ARSG: variants seen among roughly 807,000 people sequenced by gnomAD.
The protein encoded by ARSG is ASG.
ARSG carries 37 observed loss-of-function variants against 50.5 expected under a neutral mutation model. The ratio of observed to expected loss-of-function variants is 0.73; its 90% CI spans 0.56 to 0.96. ARSG has a LOEUF of 0.96. Among genes scored for constraint, ARSG ranks in the 50% least tolerant of loss-of-function variants. The probability of loss-of-function intolerance (pLI) is 0.00; values close to 1 mark genes in which losing one functional copy is unlikely to be tolerated. For synonymous variants in ARSG, 225 were observed against 254.6 expected, an observed-to-expected ratio of 0.88 and a Z score of 1.11; for missense variants, 629 against 675.3, an observed-to-expected ratio of 0.93 and a Z score of 0.76.
chr17:68,328,486 C>T lies in ARSG; in HGVS notation c.219-15118C>T, dbSNP rs77013388. The stretch of plus-strand genomic sequence containing the variant: ...TTCCGTGCCTTTAATTTTCTTATCA[C>T]TCTGCCTCCCATAGCATTTTCTTTG... On this transcript the variant is annotated intron_variant, in intron 2 of 11. Coordinates refer to ENST00000621439, the MANE Select transcript of ARSG (RefSeq NM_001267727.2). 9.2e-3 allele frequency among the ~76,000 whole-genome samples: 1,396 copies of T among 152,280 alleles called. 13 individuals are homozygous for T. Among genetic ancestry groups the T allele is most frequent in the Middle Eastern group, 0.014 (4 of 294 alleles).
chr17:68,430,968 T>G, the ARSG span, among the ~76,000 whole-genome samples: 1 of 152,088 alleles, frequency 6.6e-6, no homozygotes, highest in East Asian at 1.9e-4. Flanking sequence ...TAGGGGGTCT[T>G]TGGACAAACC....
intron 3 of ARSG, 101 bp downstream of exon 3, chr17:68,343,892 C>A: frequency 8.0e-7 from 1 of 1,249,110 alleles, no homozygotes; most frequent in Non-Finnish European, 1.1e-6. Flanking sequence ...CTGTTCATGT[C>A]TTGCTGTGTG....
At chr17:68,377,478 A>T (rs1054358380) in intron 8 of ARSG, among the ~76,000 whole-genome samples, 1 of 152,158 alleles carries the variant, frequency 6.6e-6, no homozygotes, top group Admixed American at 6.5e-5. Context: ...CTGGGCTTGA[A>T]TCTTGACTCA....
At position 68,369,977 on chromosome 17, in the gene ARSG, T is replaced by C. The variant is rs553877447; in HGVS notation, c.902-467T>C. Reference sequence around the variant, plus strand: ...GAGACACATCTCATATCAAGGGTTGTTCTTCACGGATGGGAATCATATTTG... The same window carrying C: ...GAGACACATCTCATATCAAGGGTTGCTCTTCACGGATGGGAATCATATTTG... On this transcript the variant is annotated intron_variant, in intron 7 of 11. Coordinates refer to ENST00000621439, the MANE Select transcript of ARSG (RefSeq NM_001267727.2). Among the ~76,000 whole-genome samples the C allele has an allele frequency of 2.0e-5, 3 of 152,264 alleles. No homozygotes were observed. The South Asian group carries it at 6.2e-4, about 32-fold the overall frequency.
At chr17:68,347,202 G>A in intron 4 of ARSG, 30 bp downstream of exon 4, 1 of 1,607,158 alleles carries the variant, frequency 6.2e-7, no homozygotes, top group Non-Finnish European at 8.5e-7. Context: ...TTTGTTACCT[G>A]GGAAACAGAA....
upstream of ARSG, among the ~76,000 whole-genome samples, chr17:68,287,179 C>A (rs1205672464): frequency 1.3e-5 from 2 of 151,794 alleles, no homozygotes; most frequent in East Asian, 3.9e-4. Flanking sequence ...GGAGTTTCAC[C>A]ATGTTGGTCA....
intron 11 of ARSG, among the ~76,000 whole-genome samples, chr17:68,403,760 C>T (rs2081582174): frequency 1.3e-5 from 2 of 152,092 alleles, no homozygotes; most frequent in South Asian, 4.1e-4. Context: ...GCACAACGTG[C>T]AGGTTTGTTA....
chr17:68,442,904 C>A, the ARSG span, among the ~76,000 whole-genome samples: 1 of 152,130 alleles, frequency 6.6e-6, no homozygotes, highest in Non-Finnish European at 1.5e-5. Context: ...CCTAATGGTG[C>A]CTACTATGGT....
At chr17:68,355,366 G>C (rs1370928887) in intron 5 of ARSG, among the ~76,000 whole-genome samples, 1 of 152,148 alleles carries the variant, frequency 6.6e-6, no homozygotes, top group Non-Finnish European at 1.5e-5. Flanking sequence ...AGCTTGTGTT[G>C]TTTTGTTTTG....
Position 68,368,579 on chromosome 17 carries a change from G to C in ARSG, c.736G>C (p.Ala246Pro). 6.2e-7 allele frequency: 1 copy of C among 1,614,090 alleles called. No individual in the cohort carries two copies. Reference protein sequence around the residue: ...TSGRPFLLYVALAHMHVPLPV... With the variant: ...TSGRPFLLYVPLAHMHVPLPV... Reference sequence around the variant, plus strand: ...CGGGAGGCCCTTCCTGCTCTATGTGGCTCTGGCCCACATGCACGTGCCCTT... The same window carrying C: ...CGGGAGGCCCTTCCTGCTCTATGTGCCTCTGGCCCACATGCACGTGCCCTT... The change falls in exon 7 of 12, where the codon GCT becomes CCT. Residue 246 changes from alanine (A) to proline (P), a missense_variant. By Grantham distance (27) the Ala-to-Pro change is conservative. Transcript: ENST00000621439.
At chr17:68,373,973 C>T (rs1460301093) in intron 8 of ARSG, among the ~76,000 whole-genome samples, 10 of 151,624 alleles carry the variant, frequency 6.6e-5, no homozygotes, top group Non-Finnish European at 1.2e-4. Flanking sequence ...CTGACTAACA[C>T]GGTGAAACCC....
At chr17:68,430,210 C>T in the ARSG span, 51 of 1,553,740 alleles carry the variant, frequency 3.3e-5, 1 homozygote, top group East Asian at 5.2e-4. Context: ...AGGCCCCACA[C>T]GCACCCAGGA....
In ARSG at chr17:68,418,168, G is replaced by T. The variant is rs75150084; in HGVS notation, c.1304-2021G>T. ...AAAAATTGTAAGCTGGACATTGTTGGTGATGCATTGTAGCAATTCTGATTT... is the reference window on the plus strand; with the variant it reads ...AAAAATTGTAAGCTGGACATTGTTGTTGATGCATTGTAGCAATTCTGATTT... On this transcript the variant is annotated intron_variant, in intron 11 of 11. Transcript: ENST00000621439. Among the ~76,000 whole-genome samples, 982 of 152,282 alleles carry T rather than the reference G, an allele frequency of 6.4e-3. 12 individuals carry two copies. The highest frequency in any genetic ancestry group is 0.023 in the African/African-American group (944 of 41,552).
At chr17:68,376,100 T>TTTAATTAA (rs59682313) in intron 8 of ARSG, among the ~76,000 whole-genome samples, 3 of 151,862 alleles carry the variant, frequency 2.0e-5, no homozygotes, top group Non-Finnish European at 1.5e-5. Flanking sequence ...CCCTATATCC[T>TTTAATTAA]TTAATTAATT....
chr17:68,406,097 C>G (rs2081702897), intron 11 of ARSG, among the ~76,000 whole-genome samples: 3 of 152,080 alleles, frequency 2.0e-5, no homozygotes, highest in South Asian at 2.1e-4. Flanking sequence ...GCTTTTATGT[C>G]CTCCTCATAA....
chr17:68,444,761 T>A, the ARSG span, among the ~76,000 whole-genome samples: 1 of 152,178 alleles, frequency 6.6e-6, no homozygotes, highest in East Asian at 1.9e-4. Flanking sequence ...ACACATGTAA[T>A]CATCCACCTG....
At chr17:68,360,438 C>T (rs2079228735) in intron 6 of ARSG, among the ~76,000 whole-genome samples, 1 of 152,200 alleles carries the variant, frequency 6.6e-6, no homozygotes, top group Admixed American at 6.5e-5. Context: ...GCTTCCCGCT[C>T]TTCCTTGACA....
At chr17:68,448,841 T>A in the ARSG span, among the ~76,000 whole-genome samples, 2 of 152,214 alleles carry the variant, frequency 1.3e-5, no homozygotes, top group Non-Finnish European at 2.9e-5. Context: ...GAATTTCATC[T>A]AAAAGCCTTC....
At chr17:68,374,344 CCAGAAGG>C (rs2080034699) in intron 8 of ARSG, among the ~76,000 whole-genome samples, 1 of 151,384 alleles carries the variant, frequency 6.6e-6, no homozygotes, top group South Asian at 2.1e-4. Context: ...GGCTAAAAGT[CCAGAAGG>C]TGCAGAAGGT....
Sources: allele counts gnomAD v4.1 joint callset (sites outside exome capture counted in the v4.1 genomes callset), GRCh38; gene constraint gnomAD v4.1.1; transcripts MANE v1.5; gene names NCBI Gene and HGNC (gene_info 2026-07-23, HGNC 2026-07-21).